The following FGF14 variants were observed in gnomAD, a reference collection of about 807,000 sequenced individuals.
FGF14 encodes the protein fibroblast growth factor 14.
A neutral mutation model predicts 25.5 loss-of-function variants in FGF14; 5 were observed. That is an observed-to-expected ratio of 0.20 (90% CI 0.10 to 0.41). The LOEUF is 0.41. Ranked by LOEUF, FGF14 falls within the 10% of genes least tolerant of loss-of-function variation. The pLI is 1.00. For missense variants in FGF14, 222 were observed against 320.1 expected (o/e 0.69, Z 2.34); for synonymous variants, 138 against 118.3 (o/e 1.17, Z -1.08).
chr13:102,368,804 C>G (rs2057790491), intron 1 of FGF14, among the ~76,000 whole-genome samples: 1 of 152,178 alleles, frequency 6.6e-6, no homozygotes, highest in Admixed American at 6.5e-5. Flanking sequence ...CTTATTCTAT[C>G]AGGTCTTTTG....
intron 3 of FGF14, among the ~76,000 whole-genome samples, chr13:101,800,199 G>A (rs1594294059): frequency 6.6e-6 from 1 of 152,020 alleles, no homozygotes; most frequent in African/African-American, 2.4e-5. Context: ...TTTCCTGTGG[G>A]ACTACCCTCC....
At chr13:101,742,802 C>T (rs2036638216) in intron 3 of FGF14, among the ~76,000 whole-genome samples, 2 of 152,048 alleles carry the variant, frequency 1.3e-5, no homozygotes, top group African/African-American at 4.8e-5. Context: ...AGCTACATAC[C>T]TCCCTCGCAA....
At chr13:101,867,614 TA>T (rs1314390590) in intron 3 of FGF14, among the ~76,000 whole-genome samples, 1 of 152,172 alleles carries the variant, frequency 6.6e-6, no homozygotes, top group African/African-American at 2.4e-5. Context: ...TAATTTTTTC[TA>T]AAGGGAGCAT....
At chr13:101,987,456 C>T (rs76519940) in intron 1 of FGF14, among the ~76,000 whole-genome samples, 6,668 of 152,100 alleles carry the variant, frequency 0.044, 508 homozygotes, top group African/African-American at 0.15. Flanking sequence ...TATTCCCGAC[C>T]CCCATATATT....
intron 3 of FGF14, among the ~76,000 whole-genome samples, chr13:101,734,405 A>G (rs1048908715): frequency 1.3e-5 from 2 of 152,244 alleles, no homozygotes; most frequent in Non-Finnish European, 2.9e-5. Flanking sequence ...TTTTAAGATT[A>G]TAAATAAAAA....
Position 101,722,934 on chromosome 13 carries a change from A to G in FGF14, c.641T>C (p.Val214Ala). The change falls in exon 5 of 5, where the codon GTT becomes GCT. Residue 214 changes from valine to alanine, a missense_variant. Val to Ala is a moderately conservative substitution (Grantham distance 64, BLOSUM62 0). Coordinates refer to ENST00000376143, the MANE Select transcript of FGF14 (RefSeq NM_004115.4). Reference protein sequence around the residue: ...AMYREPSLHDVGETVPKPGVT... With the variant: ...AMYREPSLHDAGETVPKPGVT... ...CCCAGGCTTCGGGACCGTTTCCCCA[A>G]CATCATGCAAAGATGGTTCTCGGTA... The G allele has an allele frequency of 1.9e-6, 3 of 1,613,276 alleles. No individual in the cohort carries two copies. Among genetic ancestry groups the G allele is most frequent in the Non-Finnish European group, 2.5e-6 (3 of 1,179,498 alleles).
intron 1 of FGF14, among the ~76,000 whole-genome samples, chr13:102,333,244 C>T (rs977478643): frequency 1.3e-5 from 2 of 152,186 alleles, no homozygotes; most frequent in Non-Finnish European, 2.9e-5. Flanking sequence ...GTGGCTCTCA[C>T]ATATGCGAAG....
intron 3 of FGF14, among the ~76,000 whole-genome samples, chr13:101,840,133 T>A (rs1446620667): frequency 1.3e-5 from 2 of 152,008 alleles, no homozygotes; most frequent in Non-Finnish European, 2.9e-5. Flanking sequence ...CAATGTAAAG[T>A]GGACACCTGA....
chr13:102,023,859 G>A (rs990487923), intron 1 of FGF14, among the ~76,000 whole-genome samples: 39 of 152,070 alleles, frequency 2.6e-4, no homozygotes, highest in African/African-American at 8.9e-4. Flanking sequence ...AAAATAACAA[G>A]GTGTCAATAA....
chr13:101,965,675 G>GTTT (rs201323636), intron 1 of FGF14, among the ~76,000 whole-genome samples: 1,440 of 143,626 alleles, frequency 0.01, 20 homozygotes, highest in African/African-American at 0.029. Flanking sequence ...TTTTGTGTTA[G>GTTT]TTTTTTTTTT....
intron 1 of FGF14, among the ~76,000 whole-genome samples, chr13:102,017,627 A>G (rs527985386): frequency 6.6e-6 from 1 of 152,268 alleles, no homozygotes; most frequent in Admixed American, 6.5e-5. Context: ...GGTACTCAGC[A>G]AGCACTGACA....
intron 1 of FGF14, among the ~76,000 whole-genome samples, chr13:102,348,278 T>A (rs1014919314): frequency 6.6e-6 from 1 of 152,212 alleles, no homozygotes; most frequent in African/African-American, 2.4e-5. Context: ...ATGGTATATG[T>A]AACCTAGCCT....
chr13:102,197,692 T>C (rs543199160), intron 1 of FGF14, among the ~76,000 whole-genome samples: 1 of 152,102 alleles, frequency 6.6e-6, no homozygotes, highest in South Asian at 2.1e-4. Context: ...TATGTAATTA[T>C]ATATACATAC....
intron 1 of FGF14, among the ~76,000 whole-genome samples, chr13:102,229,869 G>A (rs9518668): frequency 0.1 from 15,510 of 152,220 alleles, 1,108 homozygotes; most frequent in East Asian, 0.39. Flanking sequence ...AACTTAGGGT[G>A]AATTATTTGA....
chr13:102,113,032 A>G (rs1426730067), intron 1 of FGF14, among the ~76,000 whole-genome samples: 1 of 152,240 alleles, frequency 6.6e-6, no homozygotes, highest in African/African-American at 2.4e-5. Flanking sequence ...TACTTAAATC[A>G]GAAGTTGATC....
chr13:102,037,383 G>A (rs995741851), intron 1 of FGF14, among the ~76,000 whole-genome samples: 1 of 151,942 alleles, frequency 6.6e-6, no homozygotes, highest in African/African-American at 2.4e-5. Context: ...TGTCTTCCTT[G>A]GCTCATGGCC....
At chr13:102,200,465 A>G (rs2049565538) in intron 1 of FGF14, among the ~76,000 whole-genome samples, 1 of 152,140 alleles carries the variant, frequency 6.6e-6, no homozygotes, top group African/African-American at 2.4e-5. Context: ...ATACACCATA[A>G]AAAATGCTCC....
intron 1 of FGF14, among the ~76,000 whole-genome samples, chr13:101,981,094 C>CACACACAG (rs1315237818): frequency 7.6e-5 from 11 of 144,984 alleles, no homozygotes; most frequent in South Asian, 2.2e-4. Context: ...CACACACACA[C>CACACACAG]ACACACACAC....
intron 1 of FGF14, among the ~76,000 whole-genome samples, chr13:102,262,880 CA>C (rs1207713262): frequency 6.6e-6 from 1 of 152,104 alleles, no homozygotes; most frequent in Non-Finnish European, 1.5e-5. Context: ...CTGAACCCAG[CA>C]AACCAATGCG....
Sources: allele counts gnomAD v4.1 joint callset (sites outside exome capture counted in the v4.1 genomes callset), GRCh38; gene constraint gnomAD v4.1.1; transcripts MANE v1.5; gene names NCBI Gene and HGNC (gene_info 2026-07-23, HGNC 2026-07-21).